The following IREB2 variants were observed in gnomAD, a reference collection of about 807,000 sequenced individuals.
IREB2 encodes the protein iron-responsive element-binding protein 2.
IREB2 carries 39 observed loss-of-function variants against 118.8 expected under a neutral mutation model. The ratio of observed to expected loss-of-function variants is 0.33; its 90% CI spans 0.25 to 0.43. The LOEUF is 0.43. Ranked by LOEUF, IREB2 falls within the 20% of genes least tolerant of loss-of-function variation. IREB2 has a pLI of 1.00. For missense variants in IREB2, 900 were observed against 1,147.3 expected, an observed-to-expected ratio of 0.78 and a Z score of 3.11; for synonymous variants, 372 against 392.2, an observed-to-expected ratio of 0.95 and a Z score of 0.61.
In IREB2 at chr15:78,466,410, G is replaced by A; in HGVS notation, c.550G>A (p.Gly184Ser). 2 of 1,614,168 alleles carry A rather than the reference G, an allele frequency of 1.2e-6. No homozygotes were observed. The highest frequency in any genetic ancestry group is 1.7e-6 in the Non-Finnish European group (2 of 1,180,026). The change falls in exon 5 of 22, where the codon GGC becomes AGC. Residue 184 changes from glycine to serine, a missense_variant. Physicochemically the swap from Gly to Ser is moderately conservative, Grantham distance 56. Coordinates refer to ENST00000258886, the MANE Select transcript of IREB2 (RefSeq NM_004136.4). ...CRGSCDSGEL[G>S]RNSGTFSSQI... The stretch of plus-strand genomic sequence containing the variant: ...AGGATCTTGTGATTCTGGAGAACTA[G>A]GCCGAAACTCAGGAACATTTTCTTC...
chr15:78,498,368 G>T lies in IREB2; in HGVS notation c.*225G>T, dbSNP rs2051877696. The T allele has an allele frequency of 3.4e-6, 1 of 292,496 alleles. No homozygotes were observed. 18.1% of individuals were successfully genotyped at this position (292,496 alleles called of 1,614,324 possible). ...TATTGCTAAAATCAACGTGTGAAGT[G>T]TGTTGTGGAAGAGACCTGTAAGTAT... On this transcript the variant is annotated 3_prime_UTR_variant, in exon 22 of 22. Coordinates refer to ENST00000258886, the MANE Select transcript of IREB2 (RefSeq NM_004136.4).
rs190454879 is a variant in IREB2, at chr15:78,488,449, G to A, written c.1951+113G>A. On this transcript the variant is annotated intron_variant, in intron 15 of 21. Transcript: ENST00000258886. ...ATTCTTTGAATTATTTCAGGAAGAC[G>A]TATGATAATGTATAGTTATTAATTT... 1.4e-3 allele frequency: 1,404 copies of A among 992,340 alleles called. 4 individuals carry two copies. The highest frequency in any genetic ancestry group is 1.7e-3 in the Non-Finnish European group (1,179 of 684,234). The allele number at this position is 992,340 out of a possible 1,614,324, so 61.5% of individuals were successfully genotyped here.
chr15:78,490,807 T>G, intron 18 of IREB2, 46 bp downstream of exon 18: 1 of 1,577,578 alleles, frequency 6.3e-7, no homozygotes. Context: ...TCTTGTTTCT[T>G]ACTGATTAAG....
rs186283452 is a variant in IREB2, at chr15:78,471,554, T to G, written c.700-187T>G. On this transcript the variant is annotated intron_variant, in intron 6 of 21. Coordinates refer to ENST00000258886, the MANE Select transcript of IREB2 (RefSeq NM_004136.4). ...AACATTTTTATTTGACCTAAATTAA[T>G]TTTGTCTTAATAAAAAATACATTTA... Among the ~76,000 whole-genome samples the G allele has an allele frequency of 3.2e-4, 48 of 152,370 alleles. No individual in the cohort carries two copies. In the East Asian group the frequency reaches 6.4e-3, roughly 20 times the overall value.
At chr15:78,465,706 TGA>T (rs1043385760) in intron 4 of IREB2, among the ~76,000 whole-genome samples, 13 of 152,210 alleles carry the variant, frequency 8.5e-5, no homozygotes, top group Non-Finnish European at 2.9e-5. Flanking sequence ...TCGAAAGATG[TGA>T]GTCATGAATG....
At chr15:78,458,051 C>A (rs186809044) in intron 2 of IREB2, among the ~76,000 whole-genome samples, 99 of 152,202 alleles carry the variant, frequency 6.5e-4, no homozygotes, top group African/African-American at 2.3e-3. Flanking sequence ...GGAAGATATT[C>A]TTCACATCTC....
chr15:78,478,634 G>A (rs887945003), intron 10 of IREB2, among the ~76,000 whole-genome samples: 3 of 152,150 alleles, frequency 2.0e-5, no homozygotes, highest in South Asian at 2.1e-4. Context: ...CCTGTGGGGC[G>A]AAAGAAAGTT....
chr15:78,475,866 A>G (rs1242293277), intron 8 of IREB2: 1 of 170,068 alleles, frequency 5.9e-6, no homozygotes, highest in East Asian at 1.5e-4. Flanking sequence ...AGAAAGAAAG[A>G]AAAAGGGCTG....
At chr15:78,497,655 T>C (rs2051860642) in intron 21 of IREB2, among the ~76,000 whole-genome samples, 1 of 152,204 alleles carries the variant, frequency 6.6e-6, no homozygotes, top group African/African-American at 2.4e-5. Context: ...GAGAGCAAAG[T>C]TGAGCGTTCA....
intron 18 of IREB2, among the ~76,000 whole-genome samples, chr15:78,491,564 C>T (rs1015824577): frequency 2.0e-5 from 3 of 152,128 alleles, no homozygotes; most frequent in African/African-American, 7.2e-5. Flanking sequence ...GTGGTGTGAT[C>T]TCAGCTCACT....
At position 78,497,301 on chromosome 15, in the gene IREB2, T is replaced by C. The variant is rs750409746; in HGVS notation, c.2771T>C (p.Leu924Ser). ...FPEELSPGIT[L>S]NIQTSTGKVF... The stretch of plus-strand genomic sequence containing the variant: ...GAAGAACTGTCTCCTGGAATTACAT[T>C]GAATATACAGGTATCTCTAAATTTT... The change falls in exon 21 of 22, where the codon TTG (leucine) becomes TCG (serine). Residue 924 changes from leucine to serine, a missense_variant. Coordinates refer to ENST00000258886, the MANE Select transcript of IREB2 (RefSeq NM_004136.4). The C allele has an allele frequency of 1.2e-6, 2 of 1,610,542 alleles. No homozygotes were observed. The highest frequency in any genetic ancestry group is 1.7e-6 in the Non-Finnish European group (2 of 1,176,742).
intron 2 of IREB2, among the ~76,000 whole-genome samples, chr15:78,461,515 T>C (rs1567168389): frequency 6.6e-6 from 1 of 152,226 alleles, no homozygotes; most frequent in South Asian, 2.1e-4. Context: ...ATTATTTTAC[T>C]GCCTCTACTT....
chr15:78,488,829 C>G (rs1235614410), intron 16 of IREB2, 58 bp downstream of exon 16: 1 of 1,003,106 alleles, frequency 1.0e-6, no homozygotes, highest in African/African-American at 1.7e-5. Flanking sequence ...TCTTTTATTT[C>G]ATATATCTTC....
In IREB2 at chr15:78,438,347, C is replaced by T. The variant is rs751197364; in HGVS notation, c.10C>T (p.Pro4Ser). 4.4e-6 allele frequency: 7 copies of T among 1,597,360 alleles called. No homozygotes were observed. The highest frequency in any genetic ancestry group is 3.4e-5 in the South Asian group (3 of 88,046). Residue 4 changes from proline (P) to serine (S), a missense_variant, in exon 1 of 22, where the codon CCA (proline) becomes TCA (serine). Transcript: ENST00000258886. Reference protein sequence around the residue: MDAPKAGYAFEYLI... With the variant: MDASKAGYAFEYLI... ...AATATGGTCTCCGGCGATGGACGCC[C>T]CAAAAGCAGGTCAGTTTCGGGCCTC...
At chr15:78,490,785 G>A in intron 18 of IREB2, 24 bp downstream of exon 18, 1 of 1,599,800 alleles carries the variant, frequency 6.3e-7, no homozygotes, top group Non-Finnish European at 8.5e-7. Context: ...GCTTTAGAGT[G>A]TTTTTGTTTT....
At chr15:78,494,714 C>T (rs1362468752) in intron 20 of IREB2, among the ~76,000 whole-genome samples, 4 of 152,078 alleles carry the variant, frequency 2.6e-5, no homozygotes, top group African/African-American at 4.8e-5. Flanking sequence ...GCTGGGACTA[C>T]GCCATGAGTT....
intron 11 of IREB2, 58 bp from the exon 12 acceptor site, chr15:78,484,703 C>G (rs995073322): frequency 1.6e-6 from 2 of 1,275,262 alleles, no homozygotes; most frequent in African/African-American, 1.5e-5. Context: ...TTCTGCCAGT[C>G]TTTTATTCTG....
chr15:78,477,948 G>T (rs182292945), intron 9 of IREB2, among the ~76,000 whole-genome samples: 2,763 of 151,968 alleles, frequency 0.018, 33 homozygotes, highest in Non-Finnish European at 0.029. Flanking sequence ...TTGGCGGGGT[G>T]TGGTGGCTCA....
chr15:78,482,533 C>T (rs549649234), intron 10 of IREB2, among the ~76,000 whole-genome samples: 2 of 152,178 alleles, frequency 1.3e-5, no homozygotes, highest in Non-Finnish European at 2.9e-5. Flanking sequence ...GTCCCTTCAG[C>T]ACCCTCTAGT....
Sources: allele counts gnomAD v4.1 joint callset (sites outside exome capture counted in the v4.1 genomes callset), GRCh38; gene constraint gnomAD v4.1.1; transcripts MANE v1.5; gene names NCBI Gene and HGNC (gene_info 2026-07-23, HGNC 2026-07-21).